The following RBM19 variants were observed in gnomAD, a reference collection of about 807,000 sequenced individuals.
RBM19 encodes the protein probable RNA-binding protein 19.
RBM19 carries 94 observed loss-of-function variants against 116.8 expected under a neutral mutation model. The ratio of observed to expected loss-of-function variants is 0.80; its 90% CI spans 0.68 to 0.95. The LOEUF (loss-of-function observed/expected upper bound fraction) is 0.95. RBM19 is among the 40% of genes least tolerant of loss of function. RBM19 has a pLI of 0.00. For missense variants in RBM19, 1,161 were observed against 1,220.7 expected, an observed-to-expected ratio of 0.95 and a Z score of 0.73; for synonymous variants, 475 against 494.1, an observed-to-expected ratio of 0.96 and a Z score of 0.51.
At chr12:113,832,960 A>T (rs897383111) in intron 23 of RBM19, among the ~76,000 whole-genome samples, 6 of 152,096 alleles carry the variant, frequency 3.9e-5, no homozygotes, top group African/African-American at 1.4e-4. Flanking sequence ...TAAGTTATGG[A>T]AGTGGGGAGG....
At chr12:113,892,694 C>G (rs1197994462) in intron 21 of RBM19, among the ~76,000 whole-genome samples, 3 of 152,178 alleles carry the variant, frequency 2.0e-5, no homozygotes, top group Non-Finnish European at 4.4e-5. Flanking sequence ...AGAATGCAGA[C>G]AGCCACTCAA....
intron 16 of RBM19, among the ~76,000 whole-genome samples, chr12:113,928,625 A>ATTTGTGTGTG: frequency 8.3e-6 from 1 of 120,426 alleles, no homozygotes; most frequent in South Asian, 3.5e-4. Flanking sequence ...TTAGCAAGGG[A>ATTTGTGTGTG]TGTGTGTGTG....
intron 23 of RBM19, among the ~76,000 whole-genome samples, chr12:113,830,571 GGGGC>G (rs796322777): frequency 0.078 from 1,701 of 21,828 alleles, 270 homozygotes; most frequent in African/African-American, 0.099. Flanking sequence ...CTAGGGCTGC[GGGGC>G]GGGGGGGGGG....
At chr12:113,955,625 A>G (rs922481149) in intron 6 of RBM19, among the ~76,000 whole-genome samples, 2 of 152,204 alleles carry the variant, frequency 1.3e-5, no homozygotes, top group African/African-American at 4.8e-5. Flanking sequence ...CATGGGGATT[A>G]TGGGTTCAGG....
Position 113,823,098 on chromosome 12 carries a change from A to G in RBM19, c.*126T>C. ...CCCCTGTCTCCTCCGACCTTGGACC[A>G]GTGCAGGGTGGGGCCGCCTGCCGCT... On this transcript the variant is annotated 3_prime_UTR_variant, in exon 24 of 24. Coordinates refer to ENST00000261741, the MANE Select transcript of RBM19 (RefSeq NM_016196.4). 1 of 797,106 alleles carries G rather than the reference A, an allele frequency of 1.3e-6. No homozygotes were observed. The highest frequency in any genetic ancestry group is 2.7e-5 in the Admixed American group (1 of 36,430). 49.4% of individuals were successfully genotyped at this position (797,106 alleles called of 1,614,324 possible).
At chr12:113,939,606 C>T (rs1434938625) in intron 15 of RBM19, among the ~76,000 whole-genome samples, 3 of 152,030 alleles carry the variant, frequency 2.0e-5, no homozygotes, top group South Asian at 2.1e-4. Context: ...AAAAATTAGC[C>T]AGGCGGGGTG....
chr12:113,944,720 G>A (rs1870873143), intron 13 of RBM19, among the ~76,000 whole-genome samples: 1 of 151,908 alleles, frequency 6.6e-6, no homozygotes, highest in Admixed American at 6.6e-5. Flanking sequence ...CTTTAGCCAA[G>A]AATTTGGGAG....
chr12:113,881,008 G>A (rs1565994343), intron 21 of RBM19, among the ~76,000 whole-genome samples: 1 of 152,154 alleles, frequency 6.6e-6, no homozygotes, highest in East Asian at 1.9e-4. Flanking sequence ...TTTGGGCTGT[G>A]AACATCAGTA....
chr12:113,852,481 C>T (rs532965052), intron 22 of RBM19, among the ~76,000 whole-genome samples: 142 of 152,360 alleles, frequency 9.3e-4, no homozygotes, highest in African/African-American at 3.2e-3. Flanking sequence ...AGCGCACACA[C>T]GTCACATGCA....
At chr12:113,962,533 CA>C in intron 1 of RBM19, 119 bp from the exon 2 acceptor site, 1 of 954,174 alleles carries the variant, frequency 1.0e-6, no homozygotes, top group South Asian at 1.6e-5. Flanking sequence ...TGAAGAGGGG[CA>C]GAGTGTACTT....
At chr12:113,958,144 T>C (rs1872140094) in intron 5 of RBM19, 94 bp from the exon 6 acceptor site, 1 of 1,514,344 alleles carries the variant, frequency 6.6e-7, no homozygotes, top group Non-Finnish European at 8.8e-7. Context: ...GTGAGAGGCC[T>C]GAGGCACCAT....
intron 21 of RBM19, among the ~76,000 whole-genome samples, chr12:113,872,163 G>A (rs1186719638): frequency 1.4e-5 from 2 of 147,490 alleles, no homozygotes; most frequent in Non-Finnish European, 3.0e-5. Flanking sequence ...TGTGGGGAGC[G>A]CCTCTGCCCT....
intron 16 of RBM19, among the ~76,000 whole-genome samples, chr12:113,930,722 C>T (rs1364037186): frequency 6.6e-6 from 1 of 152,160 alleles, no homozygotes; most frequent in Non-Finnish European, 1.5e-5. Flanking sequence ...CGGAGACGTC[C>T]GTTCTTTCCC....
chr12:113,876,448 A>G (rs1366668726), intron 21 of RBM19, among the ~76,000 whole-genome samples: 1 of 152,164 alleles, frequency 6.6e-6, no homozygotes, highest in African/African-American at 2.4e-5. Context: ...ACAGATAATA[A>G]ATCTATGGCA....
chr12:113,836,110 GCT>G (rs939008000), intron 23 of RBM19, among the ~76,000 whole-genome samples: 1 of 152,134 alleles, frequency 6.6e-6, no homozygotes, highest in African/African-American at 2.4e-5. Flanking sequence ...TTCCCTCCTT[GCT>G]CTCTCTTTTC....
Position 113,878,511 on chromosome 12 carries a change from G to A in RBM19, c.2559-19615C>T, listed in dbSNP as rs1397666230. On this transcript the variant is annotated intron_variant, in intron 21 of 23. Coordinates refer to ENST00000261741, the MANE Select transcript of RBM19 (RefSeq NM_016196.4). ...ACAGCTGAACCTGGCATCGGCCATC[G>A]CAGGCCCCAAGCGGGTTCTTTTCTG... Among the ~76,000 whole-genome samples, 13 of 152,232 alleles carry A rather than the reference G, an allele frequency of 8.5e-5. No individual in the cohort carries two copies. The East Asian group carries it at 1.4e-3, about 16-fold the overall frequency.
At chr12:113,821,200 T>C (rs574851230), downstream of RBM19, among the ~76,000 whole-genome samples, 1 of 152,288 alleles carries the variant, frequency 6.6e-6, no homozygotes, top group Non-Finnish European at 1.5e-5. Context: ...CACCAAGCCC[T>C]GGATGATGCT....
intron 23 of RBM19, among the ~76,000 whole-genome samples, chr12:113,830,426 G>A (rs989644806): frequency 5.3e-5 from 8 of 152,006 alleles, no homozygotes; most frequent in African/African-American, 1.2e-4. Context: ...AGAGTGGGTC[G>A]GTGGGTGGAG....
intron 21 of RBM19, among the ~76,000 whole-genome samples, chr12:113,875,488 G>A (rs1299414931): frequency 6.6e-6 from 1 of 152,174 alleles, no homozygotes; most frequent in African/African-American, 2.4e-5. Context: ...AATGGACTCT[G>A]GAAGGCTGGT....
Sources: gnomAD v4.1 joint callset for allele counts (sites outside exome capture counted in the v4.1 genomes callset) on GRCh38, gnomAD v4.1.1 for gene constraint, MANE v1.5 for transcripts, NCBI Gene and HGNC (gene_info 2026-07-23, HGNC 2026-07-21) for gene names.